The following NDUFA8 variants were observed in gnomAD, a reference collection of about 807,000 sequenced individuals.
The protein encoded by NDUFA8 is NADH:ubiquinone oxidoreductase subunit A8, also known as NADH dehydrogenase [ubiquinone] 1 alpha subcomplex subunit 8.
Under a neutral mutation model 20.9 loss-of-function variants are expected in NDUFA8, and 16 were observed. The ratio of observed to expected loss-of-function variants is 0.77; its 90% CI spans 0.52 to 1.16. The LOEUF (loss-of-function observed/expected upper bound fraction) is 1.16. Among genes scored for constraint, NDUFA8 ranks in the 50% most tolerant of loss-of-function variants. NDUFA8 has a pLI of 0.00. For synonymous variants in NDUFA8, 70 were observed against 76.1 expected (o/e 0.92, Z 0.41); for missense variants, 202 against 216.4 (o/e 0.93, Z 0.42).
At chr9:122,145,370 G>T (rs1438482082) in intron 3 of NDUFA8, among the ~76,000 whole-genome samples, 1 of 152,106 alleles carries the variant, frequency 6.6e-6, no homozygotes, top group Admixed American at 6.5e-5. Context: ...TCCCCTGATG[G>T]TCACAAAAAT....
At chr9:122,152,555 A>ATT (rs59160522) in intron 1 of NDUFA8, 147 bp from the exon 2 acceptor site, 68,231 of 458,518 alleles carry the variant, frequency 0.15, 6,093 homozygotes, top group African/African-American at 0.47. Flanking sequence ...CATAATAATA[A>ATT]TTTTTTTTTT....
chr9:122,157,245 G>A (rs1410847439), intron 1 of NDUFA8, among the ~76,000 whole-genome samples: 1 of 152,106 alleles, frequency 6.6e-6, no homozygotes, highest in Admixed American at 6.6e-5. Flanking sequence ...GCCCATAAAT[G>A]CCATTCTTCA....
chr9:122,141,533 C>T (rs1828821335), downstream of NDUFA8, among the ~76,000 whole-genome samples: 1 of 152,172 alleles, frequency 6.6e-6, no homozygotes, highest in East Asian at 1.9e-4. Context: ...GGTTATTTGA[C>T]ACTGGGAGGA....
At chr9:122,144,726 G>C (rs1828875997) in intron 3 of NDUFA8, among the ~76,000 whole-genome samples, 1 of 152,188 alleles carries the variant, frequency 6.6e-6, no homozygotes, top group South Asian at 2.1e-4. Context: ...GCCTCTATAG[G>C]AGCAAGGACT....
intron 2 of NDUFA8, 114 bp downstream of exon 2, chr9:122,152,131 G>T: frequency 8.2e-7 from 1 of 1,224,926 alleles, no homozygotes; most frequent in Non-Finnish European, 1.2e-6. Context: ...ACCTTGGTCT[G>T]ATTTCAAAGC....
intron 1 of NDUFA8, among the ~76,000 whole-genome samples, chr9:122,154,502 A>G (rs894492005): frequency 8.5e-5 from 13 of 152,200 alleles, no homozygotes; most frequent in Admixed American, 2.6e-4. Context: ...TTAGACTTTC[A>G]AACTGTTTAC....
chr9:122,158,644 C>T (rs945673172), intron 1 of NDUFA8, among the ~76,000 whole-genome samples: 10 of 150,702 alleles, frequency 6.6e-5, no homozygotes, highest in Admixed American at 4.6e-4. Flanking sequence ...TATAACGCTA[C>T]GACCAATTGT....
intron 3 of NDUFA8, among the ~76,000 whole-genome samples, chr9:122,145,015 C>G (rs571132922): frequency 2.0e-5 from 3 of 152,306 alleles, no homozygotes; most frequent in South Asian, 4.1e-4. Flanking sequence ...GGAGGTCATT[C>G]TGCAGGGGCT....
At chr9:122,153,539 T>G (rs1465195684) in intron 1 of NDUFA8, among the ~76,000 whole-genome samples, 3 of 152,200 alleles carry the variant, frequency 2.0e-5, no homozygotes, top group Non-Finnish European at 2.9e-5. Context: ...TGATATTTTC[T>G]TGAGAAGATA....
the NDUFA8 span, among the ~76,000 whole-genome samples, chr9:122,135,544 A>G: frequency 6.6e-6 from 1 of 152,186 alleles, no homozygotes; most frequent in Non-Finnish European, 1.5e-5. Context: ...CTGATAACTA[A>G]GAGGGAAGCA....
At chr9:122,150,969 C>T (rs1340725009) in intron 2 of NDUFA8, among the ~76,000 whole-genome samples, 2 of 59,746 alleles carry the variant, frequency 3.3e-5, no homozygotes, top group Non-Finnish European at 6.9e-5. Flanking sequence ...GAGACTCCGT[C>T]TCAAAAAAAA....
intron 3 of NDUFA8, among the ~76,000 whole-genome samples, chr9:122,146,625 G>A (rs1037305770): frequency 6.6e-6 from 1 of 152,194 alleles, no homozygotes; most frequent in African/African-American, 2.4e-5. Context: ...GAACTAGACC[G>A]GGTATGGTGA....
intron 1 of NDUFA8, among the ~76,000 whole-genome samples, chr9:122,155,462 C>A (rs1829064665): frequency 6.6e-6 from 1 of 152,166 alleles, no homozygotes; most frequent in Non-Finnish European, 1.5e-5. Flanking sequence ...AATCTATACA[C>A]TATAGAAAGG....
At chr9:122,150,720 A>C (rs1367150457) in intron 2 of NDUFA8, among the ~76,000 whole-genome samples, 1 of 152,142 alleles carries the variant, frequency 6.6e-6, no homozygotes, top group Non-Finnish European at 1.5e-5. Context: ...CTGCAATCCC[A>C]GCACTTTGGG....
At chr9:122,150,354 T>G (rs991024443) in intron 2 of NDUFA8, among the ~76,000 whole-genome samples, 2 of 124,890 alleles carry the variant, frequency 1.6e-5, no homozygotes, top group Non-Finnish European at 3.1e-5. Flanking sequence ...GAGCTTGCAG[T>G]AAGCCAAGAT....
chr9:122,143,874 C>T (rs950687142), downstream of NDUFA8, among the ~76,000 whole-genome samples: 33 of 152,280 alleles, frequency 2.2e-4, no homozygotes, highest in Admixed American at 2.0e-3. Context: ...CAAGGAGCTG[C>T]CTAAAGTAAC....
At chr9:122,142,641 ACTTC>A (rs368048999), downstream of NDUFA8, among the ~76,000 whole-genome samples, 155 of 152,268 alleles carry the variant, frequency 1.0e-3, no homozygotes, top group African/African-American at 3.6e-3. Flanking sequence ...CTAAACTTTA[ACTTC>A]CTTCATCTGT....
At chr9:122,137,180 T>C in the NDUFA8 span, among the ~76,000 whole-genome samples, 1 of 150,832 alleles carries the variant, frequency 6.6e-6, no homozygotes, top group African/African-American at 2.4e-5. Flanking sequence ...AATAATCCTC[T>C]AAACAAACTC....
chr9:122,132,933 G>A, the NDUFA8 span: 76 of 455,980 alleles, frequency 1.7e-4, 1 homozygote, highest in Admixed American at 1.8e-3. Flanking sequence ...ATGCTGCAGT[G>A]TCTATTTCTC....
Sources: allele counts gnomAD v4.1 joint callset (sites outside exome capture counted in the v4.1 genomes callset), GRCh38; gene constraint gnomAD v4.1.1; transcripts MANE v1.5; gene names NCBI Gene and HGNC (gene_info 2026-07-23, HGNC 2026-07-21).